The following BCAS3 variants were observed in gnomAD, a reference collection of about 807,000 sequenced individuals.
The protein encoded by BCAS3 is BCAS4/BCAS3 fusion.
BCAS3 carries 53 observed loss-of-function variants against 116.1 expected under a neutral mutation model. The ratio of observed to expected loss-of-function variants is 0.46; its 90% CI spans 0.37 to 0.57. BCAS3 has a LOEUF of 0.57. Among genes scored for constraint, BCAS3 ranks in the 20% least tolerant of loss-of-function variants. The pLI, the probability that BCAS3 is intolerant of heterozygous loss-of-function variation, is 0.00. For missense variants in BCAS3, 917 were observed against 1,165.4 expected, an observed-to-expected ratio of 0.79 and a Z score of 3.10; for synonymous variants, 391 against 408.2, an observed-to-expected ratio of 0.96 and a Z score of 0.51.
At chr17:60,805,857 G>GTT (rs558273934) in intron 6 of BCAS3, among the ~76,000 whole-genome samples, 3,082 of 122,086 alleles carry the variant, frequency 0.025, 213 homozygotes, top group African/African-American at 0.093. Context: ...CTCAGCCTAA[G>GTT]TTTTTTTTTT....
chr17:60,769,294 T>G (rs6503995), intron 6 of BCAS3, among the ~76,000 whole-genome samples: 41,736 of 152,140 alleles, frequency 0.27, 11,452 homozygotes, highest in African/African-American at 0.71. Flanking sequence ...AGTGGTGTCT[T>G]TGCTGCAGTC....
In BCAS3 at chr17:61,087,224, G is replaced by A; in HGVS notation, c.2425+2660G>A. On this transcript the variant is annotated intron_variant, in intron 22 of 23. Coordinates refer to ENST00000407086, the MANE Select transcript of BCAS3 (RefSeq NM_017679.5). The surrounding 1 kb of genome is among the most constrained non-coding windows in gnomAD (Gnocchi z 4.6). ...TGCTTATCTGGAGGTTTCATTGCCT[G>A]TTACTTGGAGATACGACCAGTGTGG... 2 of 985,478 alleles carry A rather than the reference G, an allele frequency of 2.0e-6. No homozygotes were observed. The highest frequency in any genetic ancestry group is 4.7e-5 in the South Asian group (1 of 21,284). The allele number at this position is 985,478 out of a possible 1,614,324, so 61.0% of individuals were successfully genotyped here.
chr17:60,697,582 C>CAA (rs758307797), intron 4 of BCAS3, among the ~76,000 whole-genome samples: 32 of 58,744 alleles, frequency 5.4e-4, no homozygotes, highest in Non-Finnish European at 8.3e-4. Context: ...GACTCTGTCT[C>CAA]AAAAAAAAAA....
At chr17:61,288,996 G>C (rs573950870) in intron 22 of BCAS3, among the ~76,000 whole-genome samples, 1 of 152,202 alleles carries the variant, frequency 6.6e-6, no homozygotes, top group South Asian at 2.1e-4. Context: ...GGGAAGGGCC[G>C]CGCAGGCCTA....
At chr17:61,015,157 T>G (rs1160511321) in intron 15 of BCAS3, among the ~76,000 whole-genome samples, 2 of 152,216 alleles carry the variant, frequency 1.3e-5, no homozygotes, top group Non-Finnish European at 2.9e-5. Context: ...CAGATTGTGT[T>G]GGATGTAAGG....
chr17:61,255,643 G>A (rs1419323171), intron 22 of BCAS3, among the ~76,000 whole-genome samples: 2 of 152,186 alleles, frequency 1.3e-5, no homozygotes, highest in South Asian at 2.1e-4. Context: ...CTTAAGTGCC[G>A]TGTCTGTATT....
At chr17:60,745,212 C>T (rs1283547522) in intron 5 of BCAS3, among the ~76,000 whole-genome samples, 2 of 151,680 alleles carry the variant, frequency 1.3e-5, no homozygotes, top group Non-Finnish European at 2.9e-5. Context: ...AAGTATTTTT[C>T]ATTACTTGAA....
intron 19 of BCAS3, among the ~76,000 whole-genome samples, chr17:61,074,182 G>A (rs561049347): frequency 2.0e-5 from 3 of 148,982 alleles, no homozygotes; most frequent in Admixed American, 6.7e-5. Context: ...GGAAATATCC[G>A]TATCTTTAGC....
chr17:61,368,738 T>C lies in BCAS3; in HGVS notation c.2593+244T>C, dbSNP rs568651295. 6.6e-6 allele frequency among the ~76,000 whole-genome samples: 1 copy of C among 152,348 alleles called. No individual in the cohort carries two copies. Among genetic ancestry groups the C allele is most frequent in the East Asian group, 1.9e-4 (1 of 5,178 alleles). On this transcript the variant is annotated intron_variant, in intron 23 of 23. Coordinates refer to ENST00000407086, the MANE Select transcript of BCAS3 (RefSeq NM_017679.5). The surrounding 1 kb of genome is among the most constrained non-coding windows in gnomAD (Gnocchi z 6.0). ...GCAGGATTGCCATGATCAACACCAC[T>C]GTGCAAGTGGCTCCCAGAAGGACAC...
Position 60,967,750 on chromosome 17 carries a change from C to A in BCAS3, c.1221+20398C>A, listed in dbSNP as rs114229966. Among the ~76,000 whole-genome samples the A allele has an allele frequency of 5.3e-3, 810 of 152,150 alleles. 7 individuals carry two copies. The highest frequency in any genetic ancestry group is 0.018 in the African/African-American group (764 of 41,500). On this transcript the variant is annotated intron_variant, in intron 14 of 23. Coordinates refer to ENST00000407086, the MANE Select transcript of BCAS3 (RefSeq NM_017679.5). This position sits in a 1 kb window ranked among gnomAD's most constrained non-coding sequence, Gnocchi z 4.7. ...TCTTTGTCCTTCTCCCACCACCCCC[C>A]ACACCCCCAATTGTATTTTCAAATA...
chr17:60,727,289 GTCT>G (rs1361889087), intron 5 of BCAS3: 14 of 1,134,628 alleles, frequency 1.2e-5, no homozygotes, highest in Non-Finnish European at 1.5e-5. Context: ...CCTTAGCACA[GTCT>G]TCTTTGTGGT....
intron 16 of BCAS3, among the ~76,000 whole-genome samples, chr17:61,022,661 T>G (rs1424428882): frequency 6.6e-6 from 1 of 152,200 alleles, no homozygotes; most frequent in Admixed American, 6.5e-5. Context: ...ATCAATGTTT[T>G]TTTCCTAATG....
intron 10 of BCAS3, chr17:60,891,686 G>A (rs1044044943): frequency 8.8e-6 from 4 of 455,860 alleles, no homozygotes; most frequent in African/African-American, 2.0e-5. Flanking sequence ...CAGGGTACAC[G>A]TGCATGTTTG....
chr17:60,989,478 TG>T (rs1400898539), intron 14 of BCAS3, among the ~76,000 whole-genome samples: 15 of 145,470 alleles, frequency 1.0e-4, no homozygotes, highest in African/African-American at 3.1e-4. Flanking sequence ...TAAATAAAGT[TG>T]TTTTTTTTTT....
At chr17:60,976,895 T>A (rs1409650723) in intron 14 of BCAS3, among the ~76,000 whole-genome samples, 1 of 152,182 alleles carries the variant, frequency 6.6e-6, no homozygotes, top group Admixed American at 6.5e-5. Flanking sequence ...CATTTCCCCC[T>A]TTTCTATTCG....
intron 22 of BCAS3, among the ~76,000 whole-genome samples, chr17:61,172,492 C>A (rs994875735): frequency 1.3e-5 from 2 of 150,018 alleles, no homozygotes; most frequent in Non-Finnish European, 3.0e-5. Flanking sequence ...AAATAATTAG[C>A]CGGGCTTAGT....
intron 6 of BCAS3, among the ~76,000 whole-genome samples, chr17:60,764,277 A>G (rs2043857848): frequency 6.6e-6 from 1 of 151,564 alleles, no homozygotes; most frequent in African/African-American, 2.4e-5. Context: ...AGTTCTTTTA[A>G]TTGTGATGTT....
chr17:60,791,961 A>G (rs1187274137), intron 6 of BCAS3, among the ~76,000 whole-genome samples: 1 of 151,922 alleles, frequency 6.6e-6, no homozygotes, highest in Non-Finnish European at 1.5e-5. Flanking sequence ...CATCTCTACT[A>G]AAAATACAAA....
At chr17:60,707,030 T>A (rs912069903) in intron 4 of BCAS3, among the ~76,000 whole-genome samples, 5 of 151,788 alleles carry the variant, frequency 3.3e-5, no homozygotes, top group Admixed American at 6.6e-5. Context: ...TTGCTCTTGT[T>A]GCCCAGGCTG....
Sources: gnomAD v4.1 joint callset for allele counts (sites outside exome capture counted in the v4.1 genomes callset) on GRCh38, gnomAD v4.1.1 for gene constraint, Gnocchi (gnomAD v3.1) non-coding constraint, MANE v1.5 for transcripts, NCBI Gene and HGNC (gene_info 2026-07-23, HGNC 2026-07-21) for gene names.